Variants in MYOC observed in about 807,000 individuals in gnomAD.
The protein encoded by MYOC is myocilin, also known as juvenile-onset open-angle glaucoma 1.
A neutral mutation model predicts 28.2 loss-of-function variants in MYOC; 29 were observed. That is an observed-to-expected ratio of 1.03 (90% CI 0.77 to 1.40). The LOEUF is 1.40. Ranked by LOEUF, MYOC falls within the 40% of genes most tolerant of loss-of-function variation. The pLI is 0.00. For missense variants in MYOC, 569 were observed against 620.6 expected (o/e 0.92, Z 0.88); for synonymous variants, 240 against 245.6 (o/e 0.98, Z 0.21).
In MYOC at chr1:171,635,923, T is replaced by A; in HGVS notation, c.*2A>T. 2.5e-6 allele frequency: 4 copies of A among 1,614,074 alleles called. No homozygotes were observed. The highest frequency in any genetic ancestry group is 3.4e-6 in the Non-Finnish European group (4 of 1,180,006). On this transcript the variant is annotated 3_prime_UTR_variant, in exon 3 of 3. Transcript: ENST00000037502. ...CCATTGCCTGTACAGCTTGGAGGCT[T>A]TTCACATCTTGGAGAGCTTGATGTC...
intron 2 of MYOC, among the ~76,000 whole-genome samples, chr1:171,636,948 T>C (rs1185833592): frequency 6.6e-6 from 1 of 152,204 alleles, no homozygotes; most frequent in Non-Finnish European, 1.5e-5. Context: ...TTTTGGGTAG[T>C]AGGGCTGTTG....
In MYOC at chr1:171,636,263, T is replaced by C; in HGVS notation, c.1177A>G (p.Ser393Gly). The change falls in exon 3 of 3, where the codon AGC becomes GGC. Residue 393 changes from serine (S) to glycine (G), a missense_variant. Coordinates refer to ENST00000037502, the MANE Select transcript of MYOC (RefSeq NM_000261.2). ...VDEAGLWVIYSTDEAKGAIVL... is the reference protein window; with the variant it reads ...VDEAGLWVIYGTDEAKGAIVL... The stretch of plus-strand genomic sequence containing the variant: ...ATGGCACCTTTGGCCTCATCGGTGC[T>C]GTAAATGACCCAGAGGCCTGCTTCA... 1 of 1,614,146 alleles carries C rather than the reference T, an allele frequency of 6.2e-7. No individual in the cohort carries two copies. The highest frequency in any genetic ancestry group is 1.1e-5 in the South Asian group (1 of 91,074).
In MYOC at chr1:171,636,241, G is replaced by T. The variant is rs1329624632; in HGVS notation, c.1199C>A (p.Ala400Asp). The T allele has an allele frequency of 1.9e-6, 3 of 1,614,034 alleles. No individual in the cohort carries two copies. Among genetic ancestry groups the T allele is most frequent in the Middle Eastern group, 1.6e-4 (1 of 6,084 alleles). ...TGGGTTCAGTTTGGAGAGGACAATG[G>T]CACCTTTGGCCTCATCGGTGCTGTA... The part of the protein sequence containing the change: ...VIYSTDEAKG[A>D]IVLSKLNPEN... Residue 400 changes from alanine to aspartate, a missense_variant, in exon 3 of 3, where the codon GCC becomes GAC. Physicochemically the swap from Ala to Asp is moderately radical, Grantham distance 126. Transcript: ENST00000037502.
At chr1:171,649,235 G>T (rs1653294066) in intron 1 of MYOC, among the ~76,000 whole-genome samples, 1 of 152,054 alleles carries the variant, frequency 6.6e-6, no homozygotes, top group African/African-American at 2.4e-5. Flanking sequence ...AATTTGAGTT[G>T]CAGGTGGAAT....
chr1:171,645,918 T>C (rs1653190738), intron 1 of MYOC, among the ~76,000 whole-genome samples: 3 of 152,222 alleles, frequency 2.0e-5, no homozygotes, highest in Admixed American at 1.3e-4. Context: ...CAGGAACCAC[T>C]CCTTATGTGC....
rs769391104 is a variant in MYOC at position 171,652,475 on chromosome 1, C to T, written c.137G>A (p.Arg46Gln). ...QLRKANDQSGRCQYTFSVASP... is the reference protein window; with the variant it reads ...QLRKANDQSGQCQYTFSVASP... Reference sequence around the variant, plus strand: ...GGCCACACTGAAGGTATACTGGCATCGGCCACTCTGGTCATTGGCCTTCCT... The same window carrying T: ...GGCCACACTGAAGGTATACTGGCATTGGCCACTCTGGTCATTGGCCTTCCT... The change falls in exon 1 of 3, where the codon CGA (arginine) becomes CAA (glutamine). Residue 46 changes from arginine (R) to glutamine (Q), a missense_variant. Arg to Gln is a conservative substitution (Grantham distance 43). Coordinates refer to ENST00000037502, the MANE Select transcript of MYOC (RefSeq NM_000261.2). 5.6e-6 allele frequency: 9 copies of T among 1,614,214 alleles called. No homozygotes were observed. Among genetic ancestry groups the T allele is most frequent in the East Asian group, 2.2e-5 (1 of 44,886 alleles).
intron 1 of MYOC, among the ~76,000 whole-genome samples, chr1:171,645,642 G>A (rs566562462): frequency 6.6e-6 from 1 of 152,244 alleles, no homozygotes; most frequent in Non-Finnish European, 1.5e-5. Context: ...ACTGGACCCA[G>A]ATGGCTACTG....
At chr1:171,637,558 A>C (rs1415639306) in intron 2 of MYOC, among the ~76,000 whole-genome samples, 1 of 151,966 alleles carries the variant, frequency 6.6e-6, no homozygotes, top group African/African-American at 2.4e-5. Context: ...TAATTTTTTA[A>C]ATGTAGTGAA....
rs573459235 is a variant in MYOC, at chr1:171,652,422, G to A, written c.190C>T (p.Gln64Ter). Residue 64 changes from glutamine to a stop codon, truncating the protein, a stop_gained, in exon 1 of 3, where the codon CAG becomes TAG. Coordinates refer to ENST00000037502, the MANE Select transcript of MYOC (RefSeq NM_000261.2). LOFTEE classifies it high-confidence loss of function. ...TGGATGACTGACATGGCCTGGCTCT[G>A]CTCTGGGCAGCTGGATTCATTGGGA... ...ASPNESSCPEQSQAMSVIHNL... is the reference protein window; with the variant it reads ...ASPNESSCPE The A allele has an allele frequency of 8.1e-6, 13 of 1,614,190 alleles. 1 individual carries two copies. The African/African-American group carries it at 1.5e-4, about 18-fold the overall frequency.
chr1:171,643,309 C>T (rs893700140), intron 1 of MYOC: 2 of 152,292 alleles, frequency 1.3e-5, no homozygotes, highest in Admixed American at 6.5e-5. Flanking sequence ...CCCGAGGTTC[C>T]CTGTTCTTCT....
chr1:171,636,737 C>G (rs749608558), intron 2 of MYOC, 28 bp from the exon 3 acceptor site: 26 of 1,596,068 alleles, frequency 1.6e-5, no homozygotes, highest in Non-Finnish European at 1.9e-5. Context: ...GAAAACGAAG[C>G]ACCACTTAAT....
chr1:171,652,496 T>C lies in MYOC; in HGVS notation c.116A>G (p.Lys39Arg). The change falls in exon 1 of 3, where the codon AAG (lysine) becomes AGG (arginine). Residue 39 changes from lysine (K) to arginine (R), a missense_variant. Physicochemically the swap from Lys to Arg is conservative, Grantham distance 26. Transcript: ENST00000037502. ...GCATCGGCCACTCTGGTCATTGGCCTTCCTGAGCTGAGCTGTCCTGGCCCC... is the reference window on the plus strand; with the variant it reads ...GCATCGGCCACTCTGGTCATTGGCCCTCCTGAGCTGAGCTGTCCTGGCCCC... ...DVGARTAQLR[K>R]ANDQSGRCQY... 6.2e-7 allele frequency: 1 copy of C among 1,614,222 alleles called. No homozygotes were observed. Among genetic ancestry groups the C allele is most frequent in the Non-Finnish European group, 8.5e-7 (1 of 1,180,044 alleles).
chr1:171,641,627 G>A (rs2102946873), intron 1 of MYOC, among the ~76,000 whole-genome samples: 1 of 152,282 alleles, frequency 6.6e-6, no homozygotes, highest in South Asian at 2.1e-4. Context: ...CCTGGGAGGG[G>A]CAGTCCCTCT....
At chr1:171,645,543 G>A (rs2236875) in intron 1 of MYOC, among the ~76,000 whole-genome samples, 4 of 152,118 alleles carry the variant, frequency 2.6e-5, no homozygotes, top group Non-Finnish European at 5.9e-5. Context: ...TGGAGTTCAC[G>A]TCTATCTATA....
chr1:171,635,959 A>T lies in MYOC; in HGVS notation c.1481T>A (p.Met494Lys), dbSNP rs1468931184. 6.2e-7 allele frequency: 1 copy of T among 1,614,182 alleles called. No individual in the cohort carries two copies. The highest frequency in any genetic ancestry group is 1.1e-5 in the South Asian group (1 of 91,082). Residue 494 changes from methionine to lysine, a missense_variant, in exon 3 of 3, where the codon ATG becomes AAG. Physicochemically the swap from Met to Lys is moderately conservative, Grantham distance 95. Coordinates refer to ENST00000037502, the MANE Select transcript of MYOC (RefSeq NM_000261.2). ...KKLFAWDNLNMVTYDIKLSKM is the reference protein window; with the variant it reads ...KKLFAWDNLNKVTYDIKLSKM ...GGAGAGCTTGATGTCATAAGTGACC[A>T]TGTTCAAGTTGTCCCAGGCAAAGAG...
Position 171,636,032 on chromosome 1 carries a change from G to T in MYOC, c.1408C>A (p.Arg470Ser). 6.2e-7 allele frequency: 1 copy of T among 1,614,170 alleles called. No homozygotes were observed. The highest frequency in any genetic ancestry group is 8.5e-7 in the Non-Finnish European group (1 of 1,180,026). ...TCAATCATGCTGCTGTACTTATAGC[G>T]GTTCTTGAATGGGATGGTCAGGGTC... ...SKTLTIPFKN[R>S]YKYSSMIDYN... Residue 470 changes from arginine to serine, a missense_variant, in exon 3 of 3, where the codon CGC becomes AGC. Transcript: ENST00000037502.
intron 1 of MYOC, among the ~76,000 whole-genome samples, chr1:171,639,304 A>T (rs1031094031): frequency 3.3e-5 from 5 of 152,148 alleles, no homozygotes; most frequent in African/African-American, 4.8e-5. Context: ...TTCCATAATT[A>T]AAAACCTCAT....
intron 1 of MYOC, among the ~76,000 whole-genome samples, chr1:171,651,347 C>T (rs1417613823): frequency 2.1e-5 from 3 of 143,126 alleles, no homozygotes; most frequent in Non-Finnish European, 4.6e-5. Context: ...CCCCGCACCC[C>T]CCCCACACAC....
At chr1:171,648,144 G>A (rs917674067) in intron 1 of MYOC, among the ~76,000 whole-genome samples, 6 of 150,986 alleles carry the variant, frequency 4.0e-5, no homozygotes, top group Non-Finnish European at 5.9e-5. Flanking sequence ...AGCCAAGATC[G>A]TGCCACCGCA....
Sources: gnomAD v4.1 joint callset for allele counts (sites outside exome capture counted in the v4.1 genomes callset) on GRCh38, gnomAD v4.1.1 for gene constraint, MANE v1.5 for transcripts, NCBI Gene and HGNC (gene_info 2026-07-23, HGNC 2026-07-21) for gene names.